CPS1: variants seen among roughly 807,000 people sequenced by gnomAD.
CPS1 encodes the protein carbamoyl-phosphate synthase 1, also known as carbamoyl-phosphate synthase [ammonia], mitochondrial.
CPS1 carries 109 observed loss-of-function variants against 174.6 expected under a neutral mutation model. The observed-to-expected ratio is 0.62, with a 90% confidence interval of 0.53 to 0.73. The LOEUF (loss-of-function observed/expected upper bound fraction) is 0.73, where lower values mean the gene tolerates loss of function less well. Among genes scored for constraint, CPS1 ranks in the 30% least tolerant of loss-of-function variants. The pLI is 0.00. For missense variants in CPS1, 1,689 were observed against 1,821.9 expected, an observed-to-expected ratio of 0.93 and a Z score of 1.33; for synonymous variants, 637 against 632.0, an observed-to-expected ratio of 1.01 and a Z score of -0.12.
intron 1 of CPS1, among the ~76,000 whole-genome samples, chr2:210,479,879 T>C (rs1694514406): frequency 2.0e-5 from 3 of 152,216 alleles, no homozygotes; most frequent in Non-Finnish European, 2.9e-5. Flanking sequence ...ATAATCATTG[T>C]ATTATTGCCT....
rs562721572 is a variant in CPS1 at position 210,477,771 on chromosome 2, G to A, written c.3+5G>A. The stretch of plus-strand genomic sequence containing the variant: ...AAGATTTAGCCGAGGCCCATGGTGA[G>A]TCTTAAGCTGGATATCTCTCATGTT... On this transcript the variant is annotated splice_donor_5th_base_variant and intron_variant, in intron 1 of 38. Transcript: ENST00000430249. 35 of 1,613,620 alleles carry A rather than the reference G, an allele frequency of 2.2e-5. No individual in the cohort carries two copies. The South Asian group carries it at 3.4e-4, about 16-fold the overall frequency.
intron 11 of CPS1, chr2:210,593,683 G>C (rs1438763768): frequency 1.0e-6 from 1 of 983,590 alleles, no homozygotes; most frequent in Non-Finnish European, 1.2e-6. Context: ...AGGTAAAATG[G>C]GGAAGAGAAT....
At chr2:210,530,039 T>G (rs1170329048) in intron 1 of CPS1, among the ~76,000 whole-genome samples, 1 of 152,086 alleles carries the variant, frequency 6.6e-6, no homozygotes, top group Non-Finnish European at 1.5e-5. Context: ...TTAAACATTT[T>G]ATTAAAAGTG....
intron 1 of CPS1, among the ~76,000 whole-genome samples, chr2:210,542,790 C>T (rs536554743): frequency 6.6e-6 from 1 of 152,208 alleles, no homozygotes; most frequent in South Asian, 2.1e-4. Context: ...TCTATTCTTT[C>T]ACTTAGCTGC....
chr2:210,627,386 C>G (rs1008629413), intron 21 of CPS1, among the ~76,000 whole-genome samples: 2 of 151,980 alleles, frequency 1.3e-5, no homozygotes, highest in African/African-American at 4.8e-5. Context: ...AATACCTTGC[C>G]TTCCATGTTT....
At chr2:210,478,925 C>T (rs1271348186) in intron 1 of CPS1, among the ~76,000 whole-genome samples, 2 of 39,090 alleles carry the variant, frequency 5.1e-5, no homozygotes, top group South Asian at 2.6e-3. Context: ...CCCCCTCCCC[C>T]CTTCCCCCCT....
intron 16 of CPS1, among the ~76,000 whole-genome samples, chr2:210,603,626 C>G (rs1698802717): frequency 6.6e-6 from 1 of 151,716 alleles, no homozygotes; most frequent in African/African-American, 2.4e-5. Flanking sequence ...TTTTTTTACT[C>G]TATAAGAAAC....
intron 1 of CPS1, among the ~76,000 whole-genome samples, chr2:210,559,670 C>A (rs530009465): frequency 9.9e-5 from 15 of 152,224 alleles, no homozygotes; most frequent in African/African-American, 2.6e-4. Context: ...CAGGCTGTAA[C>A]AGTGTAATAG....
intron 29 of CPS1, 24 bp downstream of exon 29, chr2:210,654,126 T>C (rs558536795): frequency 1.9e-6 from 3 of 1,591,064 alleles, no homozygotes; most frequent in Admixed American, 3.3e-5. Context: ...TCTCATCTCC[T>C]TCATTCCTGC....
intron 1 of CPS1, among the ~76,000 whole-genome samples, chr2:210,496,230 A>C (rs1379895555): frequency 6.6e-6 from 1 of 151,540 alleles, no homozygotes; most frequent in Non-Finnish European, 1.5e-5. Flanking sequence ...TTTCCACTCC[A>C]CATTTTACTA....
chr2:210,593,970 A>G (rs922435270), intron 11 of CPS1, among the ~76,000 whole-genome samples: 2 of 151,930 alleles, frequency 1.3e-5, no homozygotes, highest in Non-Finnish European at 2.9e-5. Flanking sequence ...AATAATATCC[A>G]CTGTCACATA....
chr2:210,590,022 G>A, intron 7 of CPS1, 84 bp from the exon 8 acceptor site: 1 of 1,555,630 alleles, frequency 6.4e-7, no homozygotes, highest in Non-Finnish European at 8.9e-7. Flanking sequence ...TTAAGGAATG[G>A]TTAGTCAAGA....
intron 1 of CPS1, among the ~76,000 whole-genome samples, chr2:210,500,021 A>T (rs959366314): frequency 4.5e-4 from 69 of 152,226 alleles, no homozygotes; most frequent in African/African-American, 1.5e-3. Context: ...GCTTACAATT[A>T]TGGTGGAAGG....
chr2:210,515,407 A>G (rs1203564910), intron 1 of CPS1, among the ~76,000 whole-genome samples: 3 of 151,578 alleles, frequency 2.0e-5, no homozygotes, highest in Admixed American at 2.0e-4. Context: ...AAAGGTTTCA[A>G]TATTTCTTTC....
At position 210,656,399 on chromosome 2, in the gene CPS1, G is replaced by A. The variant is rs532734489; in HGVS notation, c.3559-126G>A. The A allele has an allele frequency of 2.5e-5, 18 of 721,114 alleles. No homozygotes were observed. The African/African-American group carries it at 3.0e-4, about 12-fold the overall frequency. 44.7% of individuals were successfully genotyped at this position (721,114 alleles called of 1,614,324 possible). On this transcript the variant is annotated intron_variant, in intron 29 of 37. Coordinates refer to ENST00000233072, the MANE Select transcript of CPS1 (RefSeq NM_001875.5). ...ATTTTCTACTGCTCTCATCAGGAAT[G>A]TAGCAAGGGAACTACTTAGTGCTCA...
intron 31 of CPS1, among the ~76,000 whole-genome samples, chr2:210,658,996 G>A (rs528326097): frequency 6.6e-6 from 1 of 152,264 alleles, no homozygotes; most frequent in Non-Finnish European, 1.5e-5. Context: ...ATAAATAAAT[G>A]GAATGTGTAG....
At chr2:210,525,077 C>T (rs941314507) in intron 1 of CPS1, among the ~76,000 whole-genome samples, 1 of 151,804 alleles carries the variant, frequency 6.6e-6, no homozygotes, top group Non-Finnish European at 1.5e-5. Context: ...ACTAAGGAGT[C>T]TCTTGTCATC....
At position 210,573,282 on chromosome 2, in the gene CPS1, G is replaced by A. The variant is rs1437706712; in HGVS notation, c.127-16G>A. ...TATTATGTATTCTGCTAAGATTCAT[G>A]CAACTGTTTCTTCAGGCACAGACAG... On this transcript the variant is annotated splice_polypyrimidine_tract_variant and intron_variant, in intron 1 of 37. Coordinates refer to ENST00000233072, the MANE Select transcript of CPS1 (RefSeq NM_001875.5). 2.5e-6 allele frequency: 4 copies of A among 1,596,806 alleles called. No homozygotes were observed. The highest frequency in any genetic ancestry group is 1.1e-5 in the South Asian group (1 of 90,766).
intron 15 of CPS1, among the ~76,000 whole-genome samples, chr2:210,601,989 GAT>G (rs147905072): frequency 6.0e-5 from 9 of 149,634 alleles, no homozygotes; most frequent in South Asian, 2.1e-4. Context: ...TTTCTTAGAA[GAT>G]ATATATATAT....
Sources: gnomAD v4.1 joint callset for allele counts (sites outside exome capture counted in the v4.1 genomes callset) on GRCh38, gnomAD v4.1.1 for gene constraint, MANE v1.5 for transcripts, NCBI Gene and HGNC (gene_info 2026-07-23, HGNC 2026-07-21) for gene names.